Variants in THSD7B observed in about 807,000 individuals in gnomAD.
THSD7B encodes the protein thrombospondin type 1 domain containing 7B.
In THSD7B, 138 loss-of-function variants were observed where a neutral mutation model predicts 213.6. That is an observed-to-expected ratio of 0.65 (90% CI 0.56 to 0.74). The LOEUF is 0.74. Among genes scored for constraint, THSD7B ranks in the 30% least tolerant of loss-of-function variants. The pLI is 0.00. For synonymous variants in THSD7B, 742 were observed against 687.0 expected (o/e 1.08, Z -1.25); for missense variants, 1,931 against 1,991.5 (o/e 0.97, Z 0.58).
In THSD7B at chr2:136,853,690, CTCTT is replaced by C. The variant is rs147271503; in HGVS notation, c.-35-28449_-35-28446del. Among the ~76,000 whole-genome samples the C allele has an allele frequency of 3.7e-3, 567 of 152,266 alleles. 3 individuals carry two copies. Among genetic ancestry groups the C allele is most frequent in the African/African-American group, 0.013 (542 of 41,554 alleles). ...TATCAGACTTGGCATTCATTGATGACTCTTTCTTGAATTAACTACCACTATTGTA... is the reference window on the plus strand; with the variant it reads ...TATCAGACTTGGCATTCATTGATGACTCTTGAATTAACTACCACTATTGTA... On this transcript the variant is annotated intron_variant, in intron 1 of 27. Transcript: ENST00000409968.
intron 14 of THSD7B, among the ~76,000 whole-genome samples, chr2:137,439,118 G>T (rs1687348160): frequency 6.6e-6 from 1 of 152,066 alleles, no homozygotes; most frequent in African/African-American, 2.4e-5. Context: ...TTAATGTCAG[G>T]CTTCTAGAAT....
At chr2:137,244,944 A>T (rs1203081351) in intron 10 of THSD7B, among the ~76,000 whole-genome samples, 1 of 152,164 alleles carries the variant, frequency 6.6e-6, no homozygotes, top group Admixed American at 6.5e-5. Context: ...TGGAAGAATT[A>T]TTAATATGCA....
chr2:137,054,735 G>A (rs1687128901), intron 2 of THSD7B, among the ~76,000 whole-genome samples: 1 of 152,000 alleles, frequency 6.6e-6, no homozygotes, highest in African/African-American at 2.4e-5. Context: ...TCCTGAGACA[G>A]GGGCAAAGGT....
intron 15 of THSD7B, among the ~76,000 whole-genome samples, chr2:137,544,526 G>T (rs1269178404): frequency 6.6e-6 from 1 of 151,670 alleles, no homozygotes; most frequent in Non-Finnish European, 1.5e-5. Flanking sequence ...TACAGATAGT[G>T]GTTATGGATG....
chr2:136,975,662 T>C (rs957622811), intron 2 of THSD7B, among the ~76,000 whole-genome samples: 13 of 152,298 alleles, frequency 8.5e-5, no homozygotes, highest in African/African-American at 3.1e-4. Flanking sequence ...TTGTCTTGGA[T>C]GTATAGGCTC....
At chr2:137,641,145 T>G (rs2104861163) in intron 20 of THSD7B, among the ~76,000 whole-genome samples, 1 of 152,310 alleles carries the variant, frequency 6.6e-6, no homozygotes, top group South Asian at 2.1e-4. Flanking sequence ...ATGTAGAATC[T>G]TTGACATCAA....
chr2:136,909,136 T>C (rs140842079), intron 2 of THSD7B, among the ~76,000 whole-genome samples: 2,152 of 152,092 alleles, frequency 0.014, 69 homozygotes, highest in African/African-American at 0.049. Context: ...TGAGCCAAGA[T>C]TGCCCCACTG....
chr2:137,243,718 T>G (rs1345045223), intron 10 of THSD7B, among the ~76,000 whole-genome samples: 1 of 152,192 alleles, frequency 6.6e-6, no homozygotes, highest in Non-Finnish European at 1.5e-5. Flanking sequence ...TTCAAACACC[T>G]CTCAGTGATT....
intron 15 of THSD7B, among the ~76,000 whole-genome samples, chr2:137,500,601 G>A (rs933197789): frequency 2.6e-5 from 4 of 152,106 alleles, no homozygotes; most frequent in Non-Finnish European, 4.4e-5. Context: ...GTCATTTAAC[G>A]CTCTGTGAAG....
At chr2:137,094,801 G>T in intron 3 of THSD7B, 72 bp from the exon 4 acceptor site, 1 of 1,512,942 alleles carries the variant, frequency 6.6e-7, no homozygotes, top group East Asian at 2.3e-5. Context: ...TTTTTCTCAT[G>T]GTAGGCACTT....
At chr2:136,883,647 T>G (rs1291016996) in intron 2 of THSD7B, among the ~76,000 whole-genome samples, 1 of 152,168 alleles carries the variant, frequency 6.6e-6, no homozygotes, top group East Asian at 1.9e-4. Context: ...GTGGCAAATT[T>G]GAAAAACGAA....
intron 15 of THSD7B, among the ~76,000 whole-genome samples, chr2:137,451,695 T>C (rs1687655733): frequency 6.6e-6 from 1 of 152,088 alleles, no homozygotes; most frequent in Non-Finnish European, 1.5e-5. Flanking sequence ...TAACAGAGTC[T>C]AAGATTTCAT....
At chr2:136,891,632 C>T (rs988760878) in intron 2 of THSD7B, among the ~76,000 whole-genome samples, 5 of 152,150 alleles carry the variant, frequency 3.3e-5, no homozygotes, top group East Asian at 1.9e-4. Flanking sequence ...AGCCAGGCAC[C>T]TTTCTTTCAT....
At chr2:137,169,747 T>A in intron 6 of THSD7B, among the ~76,000 whole-genome samples, 1 of 152,176 alleles carries the variant, frequency 6.6e-6, no homozygotes, top group Non-Finnish European at 1.5e-5. Context: ...TTAGAAGTGG[T>A]ATATCATGGG....
rs1258377086 is a variant in THSD7B, at chr2:136,998,958, ACC to A, written c.140-57459_140-57458del. On this transcript the variant is annotated intron_variant, in intron 2 of 27. Coordinates refer to ENST00000409968, the MANE Select transcript of THSD7B (RefSeq NM_001316349.2). ...CACACACACACACACACACACACACACCCCTGCTTTCTTTTTATCCAAGTCTT... is the reference window on the plus strand; with the variant it reads ...CACACACACACACACACACACACACACCTGCTTTCTTTTTATCCAAGTCTT... Among the ~76,000 whole-genome samples, 4 of 129,852 alleles carry A rather than the reference ACC, an allele frequency of 3.1e-5. No individual in the cohort carries two copies. The Admixed American group carries it at 3.1e-4, about 10-fold the overall frequency. 85.2% of individuals were successfully genotyped at this position (129,852 alleles called of 152,430 possible).
intron 12 of THSD7B, among the ~76,000 whole-genome samples, chr2:137,391,926 G>A (rs1686037364): frequency 6.6e-6 from 1 of 152,234 alleles, no homozygotes; most frequent in Non-Finnish European, 1.5e-5. Context: ...TACCCAACAA[G>A]TTTTGGTATG....
intron 3 of THSD7B, among the ~76,000 whole-genome samples, chr2:137,089,931 C>T (rs1687918943): frequency 6.6e-6 from 1 of 151,658 alleles, no homozygotes; most frequent in Non-Finnish European, 1.5e-5. Context: ...TCCTTAAACC[C>T]GGGAGGCAGA....
chr2:137,241,441 T>C (rs1681900112), intron 9 of THSD7B, among the ~76,000 whole-genome samples: 3 of 152,202 alleles, frequency 2.0e-5, no homozygotes, highest in Admixed American at 6.5e-5. Flanking sequence ...TTCCAAATAA[T>C]TGTGACTCCA....
chr2:137,048,652 TATGCATAGTCCCAACG>T (rs1687010907), intron 2 of THSD7B, among the ~76,000 whole-genome samples: 1 of 152,216 alleles, frequency 6.6e-6, no homozygotes, highest in African/African-American at 2.4e-5. Context: ...TTAAAGCTTG[TATGCATAGTCCCAACG>T]TTACTGCCTT....
Sources: gnomAD v4.1 joint callset for allele counts (sites outside exome capture counted in the v4.1 genomes callset) on GRCh38, gnomAD v4.1.1 for gene constraint, MANE v1.5 for transcripts, NCBI Gene and HGNC (gene_info 2026-07-23, HGNC 2026-07-21) for gene names.